LINS1: variants seen among roughly 807,000 people sequenced by gnomAD.
The protein encoded by LINS1 is lines homolog 1.
LINS1 carries 27 observed loss-of-function variants against 41.6 expected under a neutral mutation model. The ratio of observed to expected loss-of-function variants is 0.65; its 90% CI spans 0.48 to 0.89. The LOEUF (loss-of-function observed/expected upper bound fraction) is 0.89. Ranked by LOEUF, LINS1 falls within the 40% of genes least tolerant of loss-of-function variation. LINS1 has a pLI of 0.00. For synonymous variants in LINS1, 336 were observed against 312.9 expected (o/e 1.07, Z -0.78); for missense variants, 955 against 884.1 (o/e 1.08, Z -1.02).
intron 3 of LINS1, among the ~76,000 whole-genome samples, chr15:100,579,593 T>A (rs1377304745): frequency 6.6e-6 from 1 of 152,236 alleles, no homozygotes; most frequent in Non-Finnish European, 1.5e-5. Context: ...TACTGTAATA[T>A]CACTTTTTAT....
intron 5 of LINS1, chr15:100,573,261 C>T (rs940833093): frequency 1.1e-5 from 6 of 539,594 alleles, no homozygotes; most frequent in Non-Finnish European, 1.5e-5. Flanking sequence ...TAGCATGGGC[C>T]GAAGGGGGGT....
chr15:100,599,605 G>C (rs1224502970), intron 1 of LINS1, among the ~76,000 whole-genome samples: 2 of 152,096 alleles, frequency 1.3e-5, no homozygotes, highest in East Asian at 3.9e-4. Context: ...GAATTGCATG[G>C]GTGCCGAGTC....
rs375312506 is a variant in LINS1, at chr15:100,573,525, TACAAATAGGATA to T, written c.1222+114_1222+125del. The T allele has an allele frequency of 5.4e-4, 416 of 765,924 alleles. No individual in the cohort carries two copies. The African/African-American group carries it at 6.5e-3, about 12-fold the overall frequency. 47.4% of individuals were successfully genotyped at this position (765,924 alleles called of 1,614,324 possible). ...TTTTTTTTTTGAAAATGTAATAAGT[TACAAATAGGATA>T]ACATACAGCTTAAATTACTGGAATT... On this transcript the variant is annotated intron_variant, in intron 5 of 6. Coordinates refer to ENST00000314742, the MANE Select transcript of LINS1 (RefSeq NM_001040616.3).
rs774325689 is a variant in LINS1 at position 100,569,650 on chromosome 15, C to T, written c.1862G>A (p.Arg621Gln). The T allele has an allele frequency of 8.7e-6, 14 of 1,612,800 alleles. No individual in the cohort carries two copies. The highest frequency in any genetic ancestry group is 3.3e-5 in the South Asian group (3 of 90,962). Residue 621 changes from arginine (R) to glutamine (Q), a missense_variant, in exon 7 of 7, where the codon CGG becomes CAG. Arg to Gln is a conservative substitution (Grantham distance 43). Transcript: ENST00000314742. ...TMCASSLSSP[R>Q]ASQSLVDYDS... ...GTAATCTACCAGACTTTGAGAGGCC[C>T]GGGGGGAAGACAGACTAGAAGCACA...
intron 1 of LINS1, among the ~76,000 whole-genome samples, chr15:100,586,825 T>C (rs553812288): frequency 1.5e-4 from 23 of 152,228 alleles, no homozygotes; most frequent in African/African-American, 5.5e-4. Flanking sequence ...AATTAATGTT[T>C]TCAGTTAAAG....
At chr15:100,588,986 G>A (rs1359592067) in intron 1 of LINS1, among the ~76,000 whole-genome samples, 1 of 152,164 alleles carries the variant, frequency 6.6e-6, no homozygotes, top group African/African-American at 2.4e-5. Flanking sequence ...GCTAGGTAGG[G>A]CCCGGGACAC....
chr15:100,587,179 A>C (rs951329051), intron 1 of LINS1, among the ~76,000 whole-genome samples: 11 of 150,884 alleles, frequency 7.3e-5, no homozygotes, highest in African/African-American at 2.7e-4. Context: ...AAAAAAAAAA[A>C]AAACATTAGC....
intron 5 of LINS1, chr15:100,573,239 G>A (rs146571737): frequency 1.6e-4 from 61 of 370,402 alleles, no homozygotes; most frequent in African/African-American, 1.3e-3. Flanking sequence ...TCCCAGGTTG[G>A]GACAGGAGGA....
At chr15:100,587,370 A>G (rs2038856975) in intron 1 of LINS1, among the ~76,000 whole-genome samples, 1 of 152,042 alleles carries the variant, frequency 6.6e-6, no homozygotes, top group Non-Finnish European at 1.5e-5. Flanking sequence ...AGGATGTATA[A>G]TGATATTGGT....
At chr15:100,599,661 T>C (rs1437218915) in intron 1 of LINS1, among the ~76,000 whole-genome samples, 2 of 152,250 alleles carry the variant, frequency 1.3e-5, no homozygotes, top group Non-Finnish European at 2.9e-5. Context: ...ACATATTTAT[T>C]CATTTCTCTC....
intron 1 of LINS1, among the ~76,000 whole-genome samples, chr15:100,585,812 C>G (rs2038778782): frequency 6.6e-6 from 1 of 152,172 alleles, no homozygotes; most frequent in South Asian, 2.1e-4. Context: ...TATAACTTTA[C>G]TAAATAAGCT....
At chr15:100,588,838 T>C (rs1460273991) in intron 1 of LINS1, among the ~76,000 whole-genome samples, 1 of 152,218 alleles carries the variant, frequency 6.6e-6, no homozygotes, top group Non-Finnish European at 1.5e-5. Context: ...ATGTGATAGA[T>C]GGTCTGTGTA....
chr15:100,581,501 A>G (rs185145093), intron 1 of LINS1, among the ~76,000 whole-genome samples: 1 of 152,364 alleles, frequency 6.6e-6, no homozygotes, highest in African/African-American at 2.4e-5. Flanking sequence ...TTAGACTGCT[A>G]TATGGTCAAA....
At chr15:100,599,548 AG>A (rs1048929378) in intron 1 of LINS1, among the ~76,000 whole-genome samples, 1 of 152,240 alleles carries the variant, frequency 6.6e-6, no homozygotes, top group Non-Finnish European at 1.5e-5. Flanking sequence ...ACAAGTTCTT[AG>A]GCCCCCATCT....
At position 100,579,280 on chromosome 15, in the gene LINS1, C is replaced by T. The variant is rs76400703; in HGVS notation, c.489+983G>A. Among the ~76,000 whole-genome samples, 296 of 151,532 alleles carry T rather than the reference C, an allele frequency of 2.0e-3. 1 individual carries two copies. Among genetic ancestry groups the T allele is most frequent in the African/African-American group, 6.5e-3 (270 of 41,424 alleles). On this transcript the variant is annotated intron_variant, in intron 3 of 6. Transcript: ENST00000314742. ...AAAGATACTTTACATAATTGATGTTCACTTCAAAATCTCCTCTTAGGTAGA... is the reference window on the plus strand; with the variant it reads ...AAAGATACTTTACATAATTGATGTTTACTTCAAAATCTCCTCTTAGGTAGA...
intron 1 of LINS1, among the ~76,000 whole-genome samples, chr15:100,598,009 C>A (rs879619832): frequency 2.0e-5 from 3 of 152,176 alleles, no homozygotes; most frequent in Non-Finnish European, 2.9e-5. Flanking sequence ...TTCCTTCCAG[C>A]CTCTGGGCCT....
In LINS1 at chr15:100,569,615, C is replaced by A; in HGVS notation, c.1897G>T (p.Asp633Tyr). Residue 633 changes from aspartate to tyrosine, a missense_variant, in exon 7 of 7, where the codon GAC (aspartate) becomes TAC (tyrosine). By Grantham distance (160) the Asp-to-Tyr change is radical. Coordinates refer to ENST00000314742, the MANE Select transcript of LINS1 (RefSeq NM_001040616.3). ...SQSLVDYDSS[D>Y]DSDVESTEQC... ...TCTGTGGATTCCACGTCAGAATCGT[C>A]AGAGCTGTCGTAATCTACCAGACTT... The A allele has an allele frequency of 6.2e-7, 1 of 1,613,354 alleles. No homozygotes were observed. Among genetic ancestry groups the A allele is most frequent in the South Asian group, 1.1e-5 (1 of 91,050 alleles).
At chr15:100,600,550 G>GTAAAAAAAAAAAAA (rs1567106000) in intron 1 of LINS1, among the ~76,000 whole-genome samples, 1 of 3,142 alleles carries the variant, frequency 3.2e-4, no homozygotes, top group African/African-American at 1.5e-3. Context: ...CTGCTGTTAA[G>GTAAAAAAAAAAAAA]CAAAAAAAAA....
chr15:100,584,658 T>C (rs1379483498), intron 1 of LINS1, among the ~76,000 whole-genome samples: 8 of 152,134 alleles, frequency 5.3e-5, no homozygotes, highest in Admixed American at 2.0e-4. Flanking sequence ...ACCATAGATA[T>C]GTGAGGATTT....
Sources: gnomAD v4.1 joint callset for allele counts (sites outside exome capture counted in the v4.1 genomes callset) on GRCh38, gnomAD v4.1.1 for gene constraint, MANE v1.5 for transcripts, NCBI Gene and HGNC (gene_info 2026-07-23, HGNC 2026-07-21) for gene names.